Variants in ADCY10 observed in about 807,000 individuals in gnomAD.
ADCY10 encodes adenylate cyclase type 10.
In ADCY10, 156 loss-of-function variants were observed where a neutral mutation model predicts 183.3. The ratio of observed to expected loss-of-function variants is 0.85; its 90% CI spans 0.75 to 0.97. The LOEUF is 0.97. ADCY10 is among the 50% of genes least tolerant of loss of function. ADCY10 has a pLI of 0.00. For missense variants in ADCY10, 1,745 were observed against 1,934.3 expected, an observed-to-expected ratio of 0.90 and a Z score of 1.84; for synonymous variants, 645 against 670.0, an observed-to-expected ratio of 0.96 and a Z score of 0.58.
chr1:167,853,300 C>A (rs1665634867), intron 18 of ADCY10, among the ~76,000 whole-genome samples: 1 of 152,076 alleles, frequency 6.6e-6, no homozygotes, highest in East Asian at 1.9e-4. Flanking sequence ...TTTCCCTATT[C>A]CTCCTGCTAA....
intron 31 of ADCY10, among the ~76,000 whole-genome samples, chr1:167,811,364 G>A (rs1246945224): frequency 1.3e-5 from 2 of 152,064 alleles, no homozygotes; most frequent in African/African-American, 4.8e-5. Context: ...CGAGGTGGGT[G>A]GATCACAAGG....
chr1:167,840,904 T>G (rs560380649), intron 21 of ADCY10, among the ~76,000 whole-genome samples: 49 of 152,066 alleles, frequency 3.2e-4, no homozygotes, highest in Non-Finnish European at 6.5e-4. Flanking sequence ...CTCCCCAGGT[T>G]CAGGACATTT....
In ADCY10 at chr1:167,856,410, G is replaced by A; in HGVS notation, c.1926C>T (p.Ile642=). 6.2e-7 allele frequency: 1 copy of A among 1,614,158 alleles called. No individual in the cohort carries two copies. The highest frequency in any genetic ancestry group is 8.5e-7 in the Non-Finnish European group (1 of 1,180,026). Residue 642 remains isoleucine (I), a synonymous_variant, in exon 17 of 33, where the codon ATC becomes ATT. Coordinates refer to ENST00000367851, the MANE Select transcript of ADCY10 (RefSeq NM_018417.6). ...AATCCACAAACTGGGCCTCATCAATGATAAAAATAATCCTTTCCTCTTTCA... is the reference window on the plus strand; with the variant it reads ...AATCCACAAACTGGGCCTCATCAATAATAAAAATAATCCTTTCCTCTTTCA... ...LIVKEERIIF[I]IDEAQFVDST...
At chr1:167,844,860 T>A (rs1187354319) in intron 21 of ADCY10, among the ~76,000 whole-genome samples, 1 of 152,148 alleles carries the variant, frequency 6.6e-6, no homozygotes, top group Non-Finnish European at 1.5e-5. Context: ...GTCCTCTGAC[T>A]AGAGTAGGCA....
intron 17 of ADCY10, 74 bp from the exon 18 acceptor site, chr1:167,854,563 C>A: frequency 6.5e-7 from 1 of 1,526,914 alleles, no homozygotes; most frequent in South Asian, 1.1e-5. Context: ...TAAGTCTTCT[C>A]AATCACTTGA....
chr1:167,887,504 T>C (rs553507771), intron 8 of ADCY10, among the ~76,000 whole-genome samples: 1 of 151,990 alleles, frequency 6.6e-6, no homozygotes, highest in East Asian at 1.9e-4. Flanking sequence ...ATGAGAACAC[T>C]TAGACACAGG....
chr1:167,902,386 A>G (rs1669494564), intron 3 of ADCY10, among the ~76,000 whole-genome samples: 1 of 152,238 alleles, frequency 6.6e-6, no homozygotes, highest in South Asian at 2.1e-4. Context: ...TTATTGATCA[A>G]TATATGTTAT....
chr1:167,900,504 A>T (rs893311870), intron 5 of ADCY10, among the ~76,000 whole-genome samples: 12 of 150,590 alleles, frequency 8.0e-5, no homozygotes, highest in African/African-American at 2.4e-4. Context: ...AATAACTTTG[A>T]TTTTTTTTTC....
chr1:167,861,087 C>A, intron 14 of ADCY10, 24 bp from the exon 15 acceptor site: 1 of 1,595,036 alleles, frequency 6.3e-7, no homozygotes, highest in African/African-American at 1.3e-5. Context: ...AATCAAGAAA[C>A]AGAAGAGAGT....
rs368198825 is a variant in ADCY10 at position 167,899,636 on chromosome 1, G to C, written c.437-8C>G. 17 of 1,613,298 alleles carry C rather than the reference G, an allele frequency of 1.1e-5. No individual in the cohort carries two copies. The highest frequency in any genetic ancestry group is 3.5e-4 in the Middle Eastern group (2 of 5,666). On this transcript the variant is annotated splice_region_variant and splice_polypyrimidine_tract_variant and intron_variant, in intron 5 of 32. Transcript: ENST00000367851. The stretch of plus-strand genomic sequence containing the variant: ...TGTGGCCAGCAGCCAGTCCTGGCAA[G>C]AAGGCAAGGAATAGGTTTGCACAAG...
At chr1:167,909,934 C>T (rs956128022) in intron 1 of ADCY10, among the ~76,000 whole-genome samples, 1 of 147,760 alleles carries the variant, frequency 6.8e-6, no homozygotes, top group South Asian at 2.1e-4. Flanking sequence ...GCCGGCGCCA[C>T]TGATGACCAG....
chr1:167,875,801 A>C (rs1450639607), intron 12 of ADCY10, among the ~76,000 whole-genome samples: 6 of 152,028 alleles, frequency 3.9e-5, no homozygotes, highest in African/African-American at 7.3e-5. Context: ...ATACAAAAAG[A>C]AATTAGCCAG....
intron 1 of ADCY10, among the ~76,000 whole-genome samples, chr1:167,909,731 C>T (rs1348903235): frequency 6.6e-6 from 1 of 152,190 alleles, no homozygotes; most frequent in African/African-American, 2.4e-5. Context: ...TACACTCCCT[C>T]AGGCAAGGTA....
At chr1:167,910,964 C>G (rs1021364392) in intron 1 of ADCY10, among the ~76,000 whole-genome samples, 2 of 152,176 alleles carry the variant, frequency 1.3e-5, no homozygotes, top group Admixed American at 1.3e-4. Context: ...TTTCTAGCAG[C>G]CCTACTATCA....
intron 23 of ADCY10, chr1:167,834,344 A>C: frequency 1.8e-6 from 1 of 540,824 alleles, no homozygotes; most frequent in Non-Finnish European, 3.3e-6. Context: ...CTTTCTTCAC[A>C]CTATCATCTA....
In ADCY10 at chr1:167,883,729, C is replaced by A. The variant is rs1668030443; in HGVS notation, c.829-101G>T. 3 of 1,076,024 alleles carry A rather than the reference C, an allele frequency of 2.8e-6. No homozygotes were observed. The Admixed American group carries it at 5.5e-5, about 20-fold the overall frequency. The allele number at this position is 1,076,024 out of a possible 1,614,324, so 66.7% of individuals were successfully genotyped here. On this transcript the variant is annotated intron_variant, in intron 8 of 32. Coordinates refer to ENST00000367851, the MANE Select transcript of ADCY10 (RefSeq NM_018417.6). ...CCCGAAATCATCTAGGGAATGTCTA[C>A]CTCAGAATGGGTGAGGTACAACATG...
At chr1:167,898,786 T>A (rs77094596) in intron 6 of ADCY10, among the ~76,000 whole-genome samples, 3 of 152,110 alleles carry the variant, frequency 2.0e-5, no homozygotes, top group Admixed American at 2.0e-4. Context: ...GGATTCTCTG[T>A]CTTTTCTTTC....
chr1:167,859,660 T>G lies in ADCY10; in HGVS notation c.1896+147A>C, dbSNP rs986534174. 2.1e-5 allele frequency: 16 copies of G among 751,246 alleles called. No homozygotes were observed. In the Admixed American group the frequency reaches 2.4e-4, roughly 11 times the overall value. The allele number at this position is 751,246 out of a possible 1,614,324, so 46.5% of individuals were successfully genotyped here. On this transcript the variant is annotated intron_variant, in intron 16 of 32. Coordinates refer to ENST00000367851, the MANE Select transcript of ADCY10 (RefSeq NM_018417.6). The stretch of plus-strand genomic sequence containing the variant: ...ACCTTTTGCTTGAGGTTTGGAAGGA[T>G]GGAGGAGAATGAAGCACTTTAGGAC...
chr1:167,837,271 C>T lies in ADCY10; in HGVS notation c.3055G>A (p.Ala1019Thr). Residue 1019 changes from alanine to threonine, a missense_variant, in exon 22 of 33, where the codon GCA becomes ACA. By Grantham distance (58) the Ala-to-Thr change is moderately conservative. Coordinates refer to ENST00000367851, the MANE Select transcript of ADCY10 (RefSeq NM_018417.6). Reference sequence around the variant, plus strand: ...TACCTGCGATTTTCAGGAAAAAATGCAGATGTCTCAGGAATCTCTGAGTTG... The same window carrying T: ...TACCTGCGATTTTCAGGAAAAAATGTAGATGTCTCAGGAATCTCTGAGTTG... ...LSNSEIPETSAFFPENRSPEE... is the reference protein window; with the variant it reads ...LSNSEIPETSTFFPENRSPEE... 1 of 1,614,022 alleles carries T rather than the reference C, an allele frequency of 6.2e-7. No homozygotes were observed. Among genetic ancestry groups the T allele is most frequent in the Non-Finnish European group, 8.5e-7 (1 of 1,179,904 alleles).
Sources: gnomAD v4.1 joint callset for allele counts (sites outside exome capture counted in the v4.1 genomes callset) on GRCh38, gnomAD v4.1.1 for gene constraint, MANE v1.5 for transcripts, NCBI Gene and HGNC (gene_info 2026-07-23, HGNC 2026-07-21) for gene names.